HSPH1: variants seen among roughly 807,000 people sequenced by gnomAD.
HSPH1 encodes heat shock protein family H (Hsp110) member 1, also known as heat shock protein 105 kDa.
HSPH1 carries 40 observed loss-of-function variants against 100.0 expected under a neutral mutation model. The observed-to-expected ratio is 0.40, with a 90% CI of 0.31 to 0.52. HSPH1 has a LOEUF of 0.52. HSPH1 is among the 20% of genes least tolerant of loss of function. The pLI is 0.54. For synonymous variants in HSPH1, 403 were observed against 344.0 expected (o/e 1.17, Z -1.90); for missense variants, 876 against 1,015.1 (o/e 0.86, Z 1.86).
intron 1 of HSPH1, among the ~76,000 whole-genome samples, chr13:31,161,042 G>A (rs1195328971): frequency 6.6e-6 from 1 of 152,236 alleles, no homozygotes; most frequent in Non-Finnish European, 1.5e-5. Context: ...TGCGCGAAGG[G>A]AGGAGGACAA....
chr13:31,162,110 G>A, upstream of HSPH1: 1 of 1,534,662 alleles, frequency 6.5e-7, no homozygotes, highest in Non-Finnish European at 8.7e-7. Context: ...CGACAGGGCC[G>A]CTCCCGTGCC....
At chr13:31,153,818 G>A (rs61948654) in intron 4 of HSPH1, among the ~76,000 whole-genome samples, 1 of 133,510 alleles carries the variant, frequency 7.5e-6, no homozygotes, top group Non-Finnish European at 1.6e-5. Flanking sequence ...CAGCTCACCA[G>A]GGGAAAAAAA....
chr13:31,138,430 G>C lies in HSPH1; in HGVS notation c.2347C>G (p.Gln783Glu), dbSNP rs367910911. 1 of 1,612,794 alleles carries C rather than the reference G, an allele frequency of 6.2e-7. No individual in the cohort carries two copies. Among genetic ancestry groups the C allele is most frequent in the African/African-American group, 1.3e-5 (1 of 74,822 alleles). Reference sequence around the variant, plus strand: ...ACCTTGATTTTTGTTTTAATTTCCTGAGCACGTACAACTGGATCCTGATCA... The same window carrying C: ...ACCTTGATTTTTGTTTTAATTTCCTCAGCACGTACAACTGGATCCTGATCA... ...SLDQDPVVRA[Q>E]EIKTKIKELN... is the part of the protein sequence containing the mutation. Residue 783 changes from glutamine (Q) to glutamate (E), a missense_variant, in exon 17 of 18, where the codon CAG becomes GAG. Physicochemically the swap from Gln to Glu is conservative, Grantham distance 29 (BLOSUM62 2). Coordinates refer to ENST00000320027, the MANE Select transcript of HSPH1 (RefSeq NM_006644.4).
intron 2 of HSPH1, among the ~76,000 whole-genome samples, chr13:31,158,498 G>A (rs570878929): frequency 4.9e-4 from 70 of 141,564 alleles, no homozygotes; most frequent in East Asian, 1.4e-3. Flanking sequence ...GCAGTGAGCC[G>A]AGATCGCGCC....
chr13:31,146,606 T>G (rs903287838), intron 10 of HSPH1, among the ~76,000 whole-genome samples: 1 of 152,202 alleles, frequency 6.6e-6, no homozygotes, highest in Non-Finnish European at 1.5e-5. Flanking sequence ...AAAATCTGTA[T>G]GAAAGCCTGA....
intron 2 of HSPH1, 40 bp downstream of exon 2, chr13:31,158,766 C>T: frequency 7.7e-7 from 1 of 1,292,436 alleles, no homozygotes; most frequent in Non-Finnish European, 1.1e-6. Flanking sequence ...TTAAAAACTC[C>T]CCCCTTAAAA....
At chr13:31,151,496 C>CTTGT in intron 6 of HSPH1, 113 bp downstream of exon 6, 1 of 1,003,454 alleles carries the variant, frequency 1.0e-6, no homozygotes, top group Non-Finnish European at 1.4e-6. Flanking sequence ...ACATCTTTAC[C>CTTGT]TAAAATAAAA....
At chr13:31,158,602 G>C (rs1212168173) in intron 2 of HSPH1, among the ~76,000 whole-genome samples, 1 of 133,048 alleles carries the variant, frequency 7.5e-6, no homozygotes, top group East Asian at 2.2e-4. Flanking sequence ...GAAAGTTAAA[G>C]TCGATCTTAA....
At chr13:31,157,943 G>A (rs1395713914) in intron 2 of HSPH1, among the ~76,000 whole-genome samples, 8 of 151,988 alleles carry the variant, frequency 5.3e-5, no homozygotes, top group Non-Finnish European at 1.0e-4. Context: ...TTTTCAATTC[G>A]ATTAAAAAGT....
At chr13:31,141,832 T>A (rs1408367238) in intron 12 of HSPH1, among the ~76,000 whole-genome samples, 3 of 138,574 alleles carry the variant, frequency 2.2e-5, no homozygotes, top group Non-Finnish European at 3.2e-5. Flanking sequence ...ACACACACAT[T>A]ATTACTATCC....
intron 12 of HSPH1, 146 bp from the exon 13 acceptor site, chr13:31,141,405 A>G (rs1956085156): frequency 1.6e-6 from 1 of 611,750 alleles, no homozygotes. Flanking sequence ...AGGATCACCT[A>G]ATTCCCACTA....
At chr13:31,150,679 C>T (rs1324337439) in intron 7 of HSPH1, among the ~76,000 whole-genome samples, 1 of 152,108 alleles carries the variant, frequency 6.6e-6, no homozygotes, top group Non-Finnish European at 1.5e-5. Context: ...AATTACTGGC[C>T]CAGAAATACT....
At chr13:31,149,183 CA>C (rs1244131356) in intron 8 of HSPH1, among the ~76,000 whole-genome samples, 2 of 152,008 alleles carry the variant, frequency 1.3e-5, no homozygotes, top group Non-Finnish European at 2.9e-5. Context: ...AAAGCAAAAA[CA>C]AAAACCCCAT....
intron 7 of HSPH1, among the ~76,000 whole-genome samples, chr13:31,150,445 A>C (rs545068163): frequency 3.0e-4 from 45 of 152,152 alleles, no homozygotes; most frequent in African/African-American, 1.0e-3. Flanking sequence ...ACCTTCTAAA[A>C]TTTTTCCCCC....
chr13:31,145,887 TGGTGGGTC>T, intron 10 of HSPH1, 119 bp from the exon 11 acceptor site: 1 of 826,474 alleles, frequency 1.2e-6, no homozygotes, highest in African/African-American at 1.7e-5. Context: ...TGGGAGGCCG[TGGTGGGTC>T]ACTTGAGCCC....
intron 13 of HSPH1, chr13:31,140,553 T>TAA (rs35691238): frequency 0.34 from 53,540 of 158,226 alleles, 10,040 homozygotes; most frequent in Non-Finnish European, 0.42. Context: ...TATTTAATGC[T>TAA]AAAAAAAAAA....
At chr13:31,155,776 CCT>C (rs1272011155) in intron 2 of HSPH1, 122 bp from the exon 3 acceptor site, 2 of 631,406 alleles carry the variant, frequency 3.2e-6, no homozygotes, top group African/African-American at 1.9e-5. Context: ...CATAAGTTGC[CCT>C]GAGGCCCACC....
chr13:31,154,590 C>CA, intron 4 of HSPH1, 43 bp downstream of exon 4: 2 of 1,611,872 alleles, frequency 1.2e-6, no homozygotes, highest in Non-Finnish European at 1.7e-6. Context: ...ACAAAGAACG[C>CA]AAAAATGAAA....
In HSPH1 at chr13:31,140,278, T is replaced by G. The variant is rs1181532203; in HGVS notation, c.1886A>C (p.Lys629Thr). ...TGCATTTTTAGCATCATTCCTTTCT[T>G]TTTCCAATTTATCTTGCATTATCAT... ...GKMIMQDKLE[K>T]ERNDAKNAVE... Residue 629 changes from lysine (K) to threonine (T), a missense_variant, in exon 14 of 18, where the codon AAA (lysine) becomes ACA (threonine). Lys to Thr is a moderately conservative substitution (Grantham distance 78). Transcript: ENST00000320027. 1 of 1,610,846 alleles carries G rather than the reference T, an allele frequency of 6.2e-7. No individual in the cohort carries two copies. Among genetic ancestry groups the G allele is most frequent in the Non-Finnish European group, 8.5e-7 (1 of 1,178,466 alleles).
Sources: gnomAD v4.1 joint callset for allele counts (sites outside exome capture counted in the v4.1 genomes callset) on GRCh38, gnomAD v4.1.1 for gene constraint, MANE v1.5 for transcripts, NCBI Gene and HGNC (gene_info 2026-07-23, HGNC 2026-07-21) for gene names.